The following LGSN variants were observed in gnomAD, a reference collection of about 807,000 sequenced individuals.
The protein encoded by LGSN is lengsin.
In LGSN, 21 loss-of-function variants were observed where a neutral mutation model predicts 19.5. That is an observed-to-expected ratio of 1.07 (90% CI 0.76 to 1.55). LGSN has a LOEUF of 1.55. Among genes scored for constraint, LGSN ranks in the 40% most tolerant of loss-of-function variants. The pLI is 0.00. For missense variants in LGSN, 673 were observed against 608.5 expected (o/e 1.11, Z -1.12); for synonymous variants, 257 against 215.6 (o/e 1.19, Z -1.68).
the LGSN span, among the ~76,000 whole-genome samples, chr6:63,373,660 T>A: frequency 6.6e-6 from 1 of 152,022 alleles, no homozygotes; most frequent in South Asian, 2.1e-4. Context: ...TGACGAGAAT[T>A]ATTTCTTTTG....
At chr6:63,355,481 T>G in the LGSN span, among the ~76,000 whole-genome samples, 2 of 152,314 alleles carry the variant, frequency 1.3e-5, no homozygotes, top group South Asian at 4.1e-4. Context: ...CCAAGTACTG[T>G]AAACTGGGTA....
At chr6:63,432,141 GAAAGAAAGAAAGAAAGAAAGAAAGAAAGA>G in the LGSN span, among the ~76,000 whole-genome samples, 1 of 107,394 alleles carries the variant, frequency 9.3e-6, no homozygotes, top group Non-Finnish European at 1.9e-5. Context: ...AAGAAAGAAA[GAAAGAAAGAAAGAAAGAAAGAAAGAAAGA>G]AAAGGAAAGA....
the LGSN span, among the ~76,000 whole-genome samples, chr6:63,490,931 A>C: frequency 6.6e-6 from 1 of 151,732 alleles, no homozygotes; most frequent in Non-Finnish European, 1.5e-5. Context: ...CAGACACCCC[A>C]CTCAAGAAGA....
At chr6:63,304,051 T>A (rs1033377061) in intron 1 of LGSN, among the ~76,000 whole-genome samples, 1 of 152,224 alleles carries the variant, frequency 6.6e-6, no homozygotes, top group Non-Finnish European at 1.5e-5. Flanking sequence ...AAGGGGCCTA[T>A]GTGTGTGAAG....
At chr6:63,480,561 C>G in the LGSN span, 1 of 152,526 alleles carries the variant, frequency 6.6e-6, no homozygotes, top group Non-Finnish European at 1.5e-5. Context: ...CATCTTTCAT[C>G]TCACTAGATG....
the LGSN span, among the ~76,000 whole-genome samples, chr6:63,354,115 T>C: frequency 6.6e-6 from 1 of 151,872 alleles, no homozygotes; most frequent in Non-Finnish European, 1.5e-5. Context: ...ACCTCAAAAG[T>C]ACAGGTAACA....
At chr6:63,365,540 C>A in the LGSN span, among the ~76,000 whole-genome samples, 1 of 152,196 alleles carries the variant, frequency 6.6e-6, no homozygotes, top group African/African-American at 2.4e-5. Flanking sequence ...CCTTCTGAAA[C>A]TATTCCAATC....
chr6:63,385,930 G>A, the LGSN span, among the ~76,000 whole-genome samples: 1 of 152,104 alleles, frequency 6.6e-6, no homozygotes, highest in Non-Finnish European at 1.5e-5. Context: ...AAAAGTCTGA[G>A]ACCTCAGACC....
chr6:63,568,382 C>G, the LGSN span, among the ~76,000 whole-genome samples: 3 of 152,144 alleles, frequency 2.0e-5, no homozygotes, highest in African/African-American at 7.2e-5. Flanking sequence ...GAGGGACTGG[C>G]CCATCAGCGG....
At chr6:63,434,617 A>G in the LGSN span, among the ~76,000 whole-genome samples, 1 of 150,870 alleles carries the variant, frequency 6.6e-6, no homozygotes, top group Non-Finnish European at 1.5e-5. Context: ...AAAAAAAAAA[A>G]AAAAAAAGAA....
chr6:63,351,710 G>A, the LGSN span, among the ~76,000 whole-genome samples: 3 of 152,098 alleles, frequency 2.0e-5, no homozygotes, highest in Admixed American at 1.3e-4. Flanking sequence ...CACCCACCTC[G>A]GCCTCCCAAA....
the LGSN span, among the ~76,000 whole-genome samples, chr6:63,431,021 C>T: frequency 6.6e-6 from 1 of 152,146 alleles, no homozygotes; most frequent in African/African-American, 2.4e-5. Context: ...AATATGTCTA[C>T]TAGTGAGTAA....
At chr6:63,463,833 T>A in the LGSN span, among the ~76,000 whole-genome samples, 79 of 152,194 alleles carry the variant, frequency 5.2e-4, no homozygotes, top group Non-Finnish European at 1.0e-3. Context: ...TATCATCTAA[T>A]TTAATACTTG....
chr6:63,401,477 AG>A, the LGSN span, among the ~76,000 whole-genome samples: 13 of 152,208 alleles, frequency 8.5e-5, no homozygotes, highest in African/African-American at 3.1e-4. Context: ...AAAAATAACA[AG>A]GTTATAACCA....
intron 3 of LGSN, among the ~76,000 whole-genome samples, chr6:63,284,697 A>G (rs1331516261): frequency 1.3e-5 from 2 of 152,194 alleles, no homozygotes; most frequent in Admixed American, 1.3e-4. Flanking sequence ...TTTTATAAAA[A>G]TTAAACAACA....
In LGSN at chr6:63,280,511, C is replaced by T. The variant is rs1767256005; in HGVS notation, c.1040G>A (p.Gly347Glu). 3.7e-6 allele frequency: 6 copies of T among 1,613,972 alleles called. No individual in the cohort carries two copies. Among genetic ancestry groups the T allele is most frequent in the Admixed American group, 1.7e-5 (1 of 59,996 alleles). Reference sequence around the variant, plus strand: ...GAGCGCAGCAGAGTGCTTCAAGAGTCCTGCCAACCATTTTTTCCCAGTGAT... The same window carrying T: ...GAGCGCAGCAGAGTGCTTCAAGAGTTCTGCCAACCATTTTTTCCCAGTGAT... ...LTITGKKWLA[G>E]LLKHSAALSC... The change falls in exon 4 of 4, where the codon GGA becomes GAA. Residue 347 changes from glycine to glutamate, a missense_variant. Transcript: ENST00000370657.
chr6:63,364,263 CAA>C, the LGSN span, among the ~76,000 whole-genome samples: 2 of 143,578 alleles, frequency 1.4e-5, no homozygotes, highest in African/African-American at 5.0e-5. Flanking sequence ...AACAAACAAA[CAA>C]AAAAAAAACG....
the LGSN span, among the ~76,000 whole-genome samples, chr6:63,337,816 C>T: frequency 6.6e-5 from 10 of 151,680 alleles, no homozygotes; most frequent in Non-Finnish European, 1.5e-4. Context: ...AAACAAACAA[C>T]AAAAATATGC....
the LGSN span, among the ~76,000 whole-genome samples, chr6:63,484,632 C>T: frequency 1.2e-3 from 181 of 152,258 alleles, 3 homozygotes; most frequent in African/African-American, 3.8e-3. Context: ...TACAAGAGTG[C>T]TTTGTCTTTT....
Sources: gnomAD v4.1 joint callset for allele counts (sites outside exome capture counted in the v4.1 genomes callset) on GRCh38, gnomAD v4.1.1 for gene constraint, MANE v1.5 for transcripts, NCBI Gene and HGNC (gene_info 2026-07-23, HGNC 2026-07-21) for gene names.